GRID2: variants seen among roughly 807,000 people sequenced by gnomAD.
GRID2 encodes the protein glutamate receptor ionotropic, delta-2.
Under a neutral mutation model 114.8 loss-of-function variants are expected in GRID2, and 33 were observed. The ratio of observed to expected loss-of-function variants is 0.29; its 90% CI spans 0.22 to 0.38. GRID2 has a LOEUF of 0.38. Among genes scored for constraint, GRID2 ranks in the 10% least tolerant of loss-of-function variants. The probability of loss-of-function intolerance (pLI) is 1.00; values close to 1 mark genes in which losing one functional copy is unlikely to be tolerated. For missense variants in GRID2, 1,184 were observed against 1,257.7 expected (o/e 0.94, Z 0.89); for synonymous variants, 505 against 449.9 (o/e 1.12, Z -1.55).
intron 2 of GRID2, among the ~76,000 whole-genome samples, chr4:92,658,682 C>T (rs1035444540): frequency 9.9e-5 from 15 of 151,504 alleles, no homozygotes; most frequent in East Asian, 7.8e-4. Context: ...AAAATAATCA[C>T]GATTTTAGCC....
chr4:93,171,081 T>C (rs1438611730), intron 4 of GRID2, among the ~76,000 whole-genome samples: 2 of 152,198 alleles, frequency 1.3e-5, no homozygotes, highest in African/African-American at 4.8e-5. Flanking sequence ...ATCATGTCAC[T>C]TCTCTGGTCA....
intron 2 of GRID2, among the ~76,000 whole-genome samples, chr4:92,872,969 A>G (rs989406480): frequency 1.3e-5 from 2 of 152,244 alleles, no homozygotes; most frequent in African/African-American, 4.8e-5. Flanking sequence ...AACTGGAGTT[A>G]ACTAGAAGTC....
intron 8 of GRID2, among the ~76,000 whole-genome samples, chr4:93,316,494 G>A (rs1756679674): frequency 6.6e-6 from 1 of 152,028 alleles, no homozygotes; most frequent in Non-Finnish European, 1.5e-5. Context: ...CAACCACAGG[G>A]AAAAAGAATT....
chr4:92,369,257 T>C (rs1447062763), intron 1 of GRID2, among the ~76,000 whole-genome samples: 3 of 152,088 alleles, frequency 2.0e-5, no homozygotes, highest in African/African-American at 7.2e-5. Context: ...TTTCCCCTCA[T>C]ACATGTCCCC....
At chr4:92,640,032 A>T (rs1731267662) in intron 2 of GRID2, among the ~76,000 whole-genome samples, 1 of 151,846 alleles carries the variant, frequency 6.6e-6, no homozygotes, top group South Asian at 2.1e-4. Context: ...GACATTTTGC[A>T]GAGTACCTGG....
intron 1 of GRID2, among the ~76,000 whole-genome samples, chr4:92,327,388 C>T (rs577598418): frequency 1.0e-3 from 157 of 150,916 alleles, no homozygotes; most frequent in African/African-American, 3.8e-3. Context: ...GTGTGTGTGC[C>T]TTCTCAATCT....
At chr4:92,823,761 C>T (rs1214897159) in intron 2 of GRID2, among the ~76,000 whole-genome samples, 7 of 152,008 alleles carry the variant, frequency 4.6e-5, no homozygotes. Context: ...CCTTCTAAGC[C>T]CTTTTGTTTA....
At chr4:93,041,076 AAT>A (rs960631150) in intron 2 of GRID2, among the ~76,000 whole-genome samples, 1 of 152,180 alleles carries the variant, frequency 6.6e-6, no homozygotes, top group African/African-American at 2.4e-5. Flanking sequence ...AGCTTGAAAT[AAT>A]AGAGAATTTT....
intron 8 of GRID2, among the ~76,000 whole-genome samples, chr4:93,242,250 G>A (rs1213987170): frequency 6.6e-6 from 1 of 151,952 alleles, no homozygotes; most frequent in Non-Finnish European, 1.5e-5. Flanking sequence ...CAACAGTGGA[G>A]AAGTTTCGAA....
chr4:92,849,988 A>G (rs1267566157), intron 2 of GRID2, among the ~76,000 whole-genome samples: 1 of 151,464 alleles, frequency 6.6e-6, no homozygotes, highest in South Asian at 2.1e-4. Context: ...AATTAATCAC[A>G]TGATATGCCA....
chr4:92,576,900 C>A (rs6816638), intron 1 of GRID2, among the ~76,000 whole-genome samples: 23,278 of 152,012 alleles, frequency 0.15, 3,109 homozygotes, highest in African/African-American at 0.36. Context: ...TCTTCTTTCT[C>A]TTTGGGCTAT....
At chr4:93,451,234 A>G (rs1460376708) in intron 10 of GRID2, among the ~76,000 whole-genome samples, 1 of 152,088 alleles carries the variant, frequency 6.6e-6, no homozygotes, top group Non-Finnish European at 1.5e-5. Flanking sequence ...AAAAGATCAT[A>G]TAAACATATG....
intron 6 of GRID2, 51 bp from the exon 7 acceptor site, chr4:93,224,563 C>T (rs1462362455): frequency 1.1e-5 from 13 of 1,207,700 alleles, no homozygotes; most frequent in Admixed American, 7.2e-5. Context: ...TTCCTTATTC[C>T]TGATGACTGG....
chr4:93,440,559 A>G (rs568122144), intron 10 of GRID2, among the ~76,000 whole-genome samples: 1 of 152,244 alleles, frequency 6.6e-6, no homozygotes, highest in East Asian at 1.9e-4. Flanking sequence ...AGTGTTCAAA[A>G]TCCACTGGAT....
At chr4:92,950,211 A>G (rs1439640491) in intron 2 of GRID2, among the ~76,000 whole-genome samples, 1 of 152,170 alleles carries the variant, frequency 6.6e-6, no homozygotes, top group Non-Finnish European at 1.5e-5. Context: ...TTTGTCCTCC[A>G]GCATTCAAAC....
At chr4:93,516,248 T>A (rs1255307606) in intron 13 of GRID2, among the ~76,000 whole-genome samples, 2 of 152,290 alleles carry the variant, frequency 1.3e-5, no homozygotes, top group East Asian at 3.9e-4. Context: ...CTGTGTTTCC[T>A]GTTCTAAAGG....
intron 8 of GRID2, among the ~76,000 whole-genome samples, chr4:93,320,632 C>T (rs1757110231): frequency 6.6e-6 from 1 of 152,022 alleles, no homozygotes; most frequent in Admixed American, 6.6e-5. Context: ...TCTCTCCCTC[C>T]CTCCCTTTCT....
intron 14 of GRID2, among the ~76,000 whole-genome samples, chr4:93,629,483 G>A (rs1160743669): frequency 2.0e-5 from 3 of 152,016 alleles, no homozygotes; most frequent in Non-Finnish European, 4.4e-5. Flanking sequence ...GAAAATATTT[G>A]CATTTGTTCC....
chr4:93,798,855 T>A (rs921659375), intron 1 of GRID2, among the ~76,000 whole-genome samples: 2 of 152,198 alleles, frequency 1.3e-5, no homozygotes, highest in African/African-American at 4.8e-5. Context: ...GTGGCAACCA[T>A]TGGTTGAGTG....
Sources: gnomAD v4.1 joint callset for allele counts (sites outside exome capture counted in the v4.1 genomes callset) on GRCh38, gnomAD v4.1.1 for gene constraint, MANE v1.5 for transcripts, NCBI Gene and HGNC (gene_info 2026-07-23, HGNC 2026-07-21) for gene names.